The following FRMPD4 variants were observed in gnomAD, a reference collection of about 807,000 sequenced individuals.
FRMPD4 encodes FERM and PDZ domain-containing protein 4.
Under a neutral mutation model 94.1 loss-of-function variants are expected in FRMPD4, and 22 were observed. The observed-to-expected ratio is 0.23, with a 90% CI of 0.17 to 0.33. The LOEUF is 0.33. Among genes scored for constraint, FRMPD4 ranks in the 10% least tolerant of loss-of-function variants. The pLI, the probability that FRMPD4 is intolerant of heterozygous loss-of-function variation, is 1.00. For synonymous variants in FRMPD4, 631 were observed against 548.6 expected, an observed-to-expected ratio of 1.15 and a Z score of -2.10; for missense variants, 1,111 against 1,339.9, an observed-to-expected ratio of 0.83 and a Z score of 2.67.
intron 3 of FRMPD4, among the ~76,000 whole-genome samples, chrX:11,959,304 TAA>T (rs972527511): frequency 2.7e-5 from 3 of 111,825 alleles, no homozygotes; most frequent in Non-Finnish European, 5.6e-5. Flanking sequence ...AGGCAGTGGG[TAA>T]AGAGAACAGG....
At chrX:12,438,579 T>A (rs1485815644) in intron 1 of FRMPD4, among the ~76,000 whole-genome samples, 3 of 111,178 alleles carry the variant, frequency 2.7e-5, no homozygotes, top group African/African-American at 9.8e-5. Context: ...TCAGAGATAT[T>A]CAGGATGTCT....
At chrX:12,687,642 G>T (rs2060039120) in intron 7 of FRMPD4, among the ~76,000 whole-genome samples, 1 of 112,128 alleles carries the variant, frequency 8.9e-6, no homozygotes, top group Non-Finnish European at 1.9e-5. Flanking sequence ...TATAGCAAAA[G>T]AATACAGAAT....
chrX:12,508,571 T>A (rs765973639), intron 2 of FRMPD4, among the ~76,000 whole-genome samples: 16 of 112,133 alleles, frequency 1.4e-4, no homozygotes, highest in Non-Finnish European at 2.8e-4. Context: ...GATGGGTGGA[T>A]GAATGGATGG....
At chrX:12,587,273 C>A (rs933928183) in intron 2 of FRMPD4, among the ~76,000 whole-genome samples, 3 of 111,939 alleles carry the variant, frequency 2.7e-5, no homozygotes, top group Non-Finnish European at 5.6e-5. Context: ...CCGCACCTGG[C>A]CTTTAATGCA....
rs777067245 is a variant in FRMPD4 at position 12,614,797 on chromosome X, A to G, written c.338A>G (p.Lys113Arg). The G allele has an allele frequency of 1.7e-6, 2 of 1,180,839 alleles. No homozygotes were observed. The highest frequency in any genetic ancestry group is 2.3e-6 in the Non-Finnish European group (2 of 868,529). ...TCTCCAGGTGGCCCCTCTGAAGGCAAGCTGATCCCGGGAGATCAGATTGTA... is the reference window on the plus strand; with the variant it reads ...TCTCCAGGTGGCCCCTCTGAAGGCAGGCTGATCCCGGGAGATCAGATTGTA... ...SVTPGGPSEG[K>R]LIPGDQIVMI... Residue 113 changes from lysine to arginine, a missense_variant, in exon 4 of 17, where the codon AAG becomes AGG. Physicochemically the swap from Lys to Arg is conservative, Grantham distance 26. Coordinates refer to ENST00000675598, the MANE Select transcript of FRMPD4 (RefSeq NM_001368397.1).
intron 1 of FRMPD4, among the ~76,000 whole-genome samples, chrX:12,162,580 A>G (rs780906365): frequency 5.4e-5 from 6 of 111,970 alleles, no homozygotes; most frequent in Non-Finnish European, 9.4e-5. Context: ...GACATTTACA[A>G]TTAGTGCCCT....
At chrX:11,882,167 G>A (rs948579553) in intron 3 of FRMPD4, among the ~76,000 whole-genome samples, 7 of 111,543 alleles carry the variant, frequency 6.3e-5, no homozygotes, top group African/African-American at 1.6e-4. Context: ...CTGGGAGGGG[G>A]AATTCCCAGG....
At chrX:12,137,221 T>G (rs2055608660), upstream of FRMPD4, among the ~76,000 whole-genome samples, 1 of 112,350 alleles carries the variant, frequency 8.9e-6, no homozygotes, top group Non-Finnish European at 1.9e-5. Context: ...TAACTATGTA[T>G]TCAAAAACAT....
chrX:12,294,406 G>A (rs1468752546), intron 1 of FRMPD4, among the ~76,000 whole-genome samples: 1 of 110,147 alleles, frequency 9.1e-6, no homozygotes, highest in Non-Finnish European at 1.9e-5. Context: ...CAAAGAAAGT[G>A]TTTGAAACAT....
intron 2 of FRMPD4, among the ~76,000 whole-genome samples, chrX:12,542,285 G>A (rs186795864): frequency 1.8e-4 from 20 of 111,930 alleles, no homozygotes; most frequent in African/African-American, 5.8e-4. Flanking sequence ...ATTAGGAAAC[G>A]AGGAAGTCAA....
At chrX:12,023,235 T>C (rs2054641347) in intron 3 of FRMPD4, among the ~76,000 whole-genome samples, 1 of 111,475 alleles carries the variant, frequency 9.0e-6, no homozygotes, top group Non-Finnish European at 1.9e-5. Flanking sequence ...GCCTTGATCG[T>C]ATACTTTTCA....
chrX:11,908,584 C>T (rs2053980397), intron 3 of FRMPD4, among the ~76,000 whole-genome samples: 2 of 111,804 alleles, frequency 1.8e-5, no homozygotes, highest in African/African-American at 6.5e-5. Context: ...TTCTATTTTA[C>T]ACTGCTAGCC....
chrX:11,843,469 AAAG>A (rs2053551926), intron 1 of FRMPD4, among the ~76,000 whole-genome samples: 2 of 111,809 alleles, frequency 1.8e-5, no homozygotes, highest in African/African-American at 6.5e-5. Flanking sequence ...TATGTTCTTT[AAAG>A]AAGTTTAAAG....
At chrX:12,563,181 G>A (rs2058675183) in intron 2 of FRMPD4, among the ~76,000 whole-genome samples, 1 of 109,851 alleles carries the variant, frequency 9.1e-6, no homozygotes, top group African/African-American at 3.3e-5. Flanking sequence ...GGTCTGAAAT[G>A]TTAACCTAGT....
In FRMPD4 at chrX:11,835,811, G is replaced by T. The variant is rs2053498376; in HGVS notation, c.-161+13096G>T. Among the ~76,000 whole-genome samples, 3 of 112,174 alleles carry T rather than the reference G, an allele frequency of 2.7e-5. No homozygotes were observed. In the Admixed American group the frequency reaches 2.8e-4, roughly 11 times the overall value. On this transcript the variant is annotated intron_variant, in intron 1 of 18. Transcript: ENST00000640291. ...CATGCTGTGCAGGAAAACGTTAACA[G>T]AGTGGGCCTGACACTGGTATTTTTA...
At chrX:12,499,954 T>C (rs1291119277) in intron 2 of FRMPD4, among the ~76,000 whole-genome samples, 1 of 112,213 alleles carries the variant, frequency 8.9e-6, no homozygotes, top group Non-Finnish European at 1.9e-5. Flanking sequence ...GTTTAACTTT[T>C]TGAGGAACCA....
At chrX:12,190,691 C>T (rs1248334469) in intron 1 of FRMPD4, among the ~76,000 whole-genome samples, 2 of 66,734 alleles carry the variant, frequency 3.0e-5, no homozygotes, top group African/African-American at 5.0e-5. Context: ...GGGACATCCA[C>T]ATTAAAAAAA....
chrX:12,523,396 A>T (rs977454279), intron 2 of FRMPD4, among the ~76,000 whole-genome samples: 7 of 112,112 alleles, frequency 6.2e-5, no homozygotes, highest in Non-Finnish European at 1.3e-4. Context: ...TGAATTCCCC[A>T]TATCTTTTCC....
chrX:12,546,785 C>A (rs1441858572), intron 2 of FRMPD4, among the ~76,000 whole-genome samples: 1 of 109,714 alleles, frequency 9.1e-6, no homozygotes, highest in Non-Finnish European at 1.9e-5. Context: ...GCAGATGAAT[C>A]CACCCAGCAA....
Sources: allele counts gnomAD v4.1 joint callset (sites outside exome capture counted in the v4.1 genomes callset), GRCh38; gene constraint gnomAD v4.1.1; transcripts MANE v1.5; gene names NCBI Gene and HGNC (gene_info 2026-07-23, HGNC 2026-07-21).